PRKAR2A: variants seen among roughly 807,000 people sequenced by gnomAD.
PRKAR2A encodes the protein cAMP-dependent protein kinase type II-alpha regulatory subunit.
In PRKAR2A, 29 loss-of-function variants were observed where a neutral mutation model predicts 51.9. The ratio of observed to expected loss-of-function variants is 0.56; its 90% CI spans 0.42 to 0.76. The LOEUF is 0.76. PRKAR2A is among the 30% of genes least tolerant of loss of function. The probability of loss-of-function intolerance (pLI) is 0.00; values close to 1 mark genes in which losing one functional copy is unlikely to be tolerated. For missense variants in PRKAR2A, 445 were observed against 512.1 expected, an observed-to-expected ratio of 0.87 and a Z score of 1.26; for synonymous variants, 178 against 186.2, an observed-to-expected ratio of 0.96 and a Z score of 0.36.
intron 9 of PRKAR2A, among the ~76,000 whole-genome samples, chr3:48,754,331 G>A (rs1239440115): frequency 9.3e-5 from 14 of 150,884 alleles, no homozygotes; most frequent in African/African-American, 3.2e-4. Context: ...TCCGCCTCCC[G>A]GGTTCAAGCG....
intron 5 of PRKAR2A, among the ~76,000 whole-genome samples, chr3:48,781,231 C>A (rs889802181): frequency 3.3e-5 from 5 of 151,604 alleles, no homozygotes; most frequent in African/African-American, 4.8e-5. Flanking sequence ...AGTGATCCAC[C>A]CACCTCAGCC....
intron 9 of PRKAR2A, 36 bp downstream of exon 9, chr3:48,756,343 G>A: frequency 6.5e-7 from 1 of 1,546,708 alleles, no homozygotes; most frequent in Non-Finnish European, 8.9e-7. Context: ...GTTACTTTTT[G>A]TGTGTACACC....
chr3:48,775,306 C>T (rs1229872315), intron 5 of PRKAR2A, among the ~76,000 whole-genome samples: 6 of 151,412 alleles, frequency 4.0e-5, no homozygotes, highest in African/African-American at 7.3e-5. Context: ...GGGCGGGTAG[C>T]GGGTGCCTGT....
At position 48,765,359 on chromosome 3, in the gene PRKAR2A, A is replaced by G; in HGVS notation, c.697-10T>C. 2 of 1,575,256 alleles carry G rather than the reference A, an allele frequency of 1.3e-6. No homozygotes were observed. On this transcript the variant is annotated splice_polypyrimidine_tract_variant and intron_variant, in intron 6 of 10. Coordinates refer to ENST00000265563, the MANE Select transcript of PRKAR2A (RefSeq NM_004157.4). Reference sequence around the variant, plus strand: ...TAAAAGTCACCCGGTCCTACAAGAAAGAATATGAAAATTCTAGTAAATGCC... The same window carrying G: ...TAAAAGTCACCCGGTCCTACAAGAAGGAATATGAAAATTCTAGTAAATGCC...
At chr3:48,778,224 G>A (rs747789142) in intron 5 of PRKAR2A, among the ~76,000 whole-genome samples, 6 of 151,880 alleles carry the variant, frequency 4.0e-5, no homozygotes, top group Non-Finnish European at 7.4e-5. Context: ...CGGACTCCTG[G>A]TCTCAAGTAA....
rs2082137013 is a variant in PRKAR2A, at chr3:48,778,367, G to T, written c.542+4619C>A. Among the ~76,000 whole-genome samples the T allele has an allele frequency of 1.3e-5, 2 of 151,940 alleles. 1 individual carries two copies. Among genetic ancestry groups the T allele is most frequent in the Admixed American group, 1.3e-4 (2 of 15,222 alleles). On this transcript the variant is annotated intron_variant, in intron 5 of 10. Transcript: ENST00000265563. Reference sequence around the variant, plus strand: ...GACAGGGTCTCACTTTGTCCCCCAGGCTGGAGTGCAGTGTTATGATCACTG... The same window carrying T: ...GACAGGGTCTCACTTTGTCCCCCAGTCTGGAGTGCAGTGTTATGATCACTG...
At chr3:48,826,038 C>A (rs1362054218) in intron 1 of PRKAR2A, among the ~76,000 whole-genome samples, 1 of 152,146 alleles carries the variant, frequency 6.6e-6, no homozygotes, top group Admixed American at 6.6e-5. Flanking sequence ...TAAGGCAGCA[C>A]GATCACTGGA....
At position 48,748,112 on chromosome 3, in the gene PRKAR2A, A is replaced by G. The variant is rs1242507151; in HGVS notation, c.*3473T>C. ...ACTGATGATCCATATGTCAATCAGTAGTTGGAGGAGGATGACTTTTTTTTT... is the reference window on the plus strand; with the variant it reads ...ACTGATGATCCATATGTCAATCAGTGGTTGGAGGAGGATGACTTTTTTTTT... On this transcript the variant is annotated 3_prime_UTR_variant, in exon 11 of 11. Transcript: ENST00000265563. 1.3e-5 allele frequency: 2 copies of G among 150,722 alleles called. No homozygotes were observed. Among genetic ancestry groups the G allele is most frequent in the African/African-American group, 4.9e-5 (2 of 41,066 alleles). The allele number at this position is 150,722 out of a possible 1,614,324, so 9.3% of individuals were successfully genotyped here. A position where few individuals can be genotyped will look rare whatever the true frequency, so the allele number is the denominator to read the frequency against.
At chr3:48,776,794 T>C (rs1575862308) in intron 5 of PRKAR2A, among the ~76,000 whole-genome samples, 1 of 152,250 alleles carries the variant, frequency 6.6e-6, no homozygotes, top group East Asian at 1.9e-4. Flanking sequence ...TGAGCCAAGA[T>C]CGCACCATTG....
Position 48,790,620 on chromosome 3 carries a change from T to A in PRKAR2A, c.359A>T (p.His120Leu). The change falls in exon 4 of 11, where the codon CAT becomes CTT. Residue 120 changes from histidine to leucine, a missense_variant. His to Leu is a moderately conservative substitution (Grantham distance 99). Coordinates refer to ENST00000265563, the MANE Select transcript of PRKAR2A (RefSeq NM_004157.4). The part of the protein sequence containing the change: ...EEEDTDPRVI[H>L]PKTDEQRCRL... ...GCATCTCTGTTCATCAGTTTTAGGATGAATCACCTGCCAATCCAAATAAAA... is the reference window on the plus strand; with the variant it reads ...GCATCTCTGTTCATCAGTTTTAGGAAGAATCACCTGCCAATCCAAATAAAA... The A allele has an allele frequency of 2.0e-6, 3 of 1,463,454 alleles. No individual in the cohort carries two copies. Among genetic ancestry groups the A allele is most frequent in the Non-Finnish European group, 2.7e-6 (3 of 1,101,624 alleles). 90.7% of individuals were successfully genotyped at this position (1,463,454 alleles called of 1,614,324 possible). A position where few individuals can be genotyped will look rare whatever the true frequency, so the allele number is the denominator to read the frequency against.
intron 6 of PRKAR2A, among the ~76,000 whole-genome samples, chr3:48,768,897 G>A (rs1161241256): frequency 2.6e-5 from 4 of 151,912 alleles, no homozygotes; most frequent in African/African-American, 7.2e-5. Flanking sequence ...TCAGGAGTTC[G>A]AAACCAGCCT....
At chr3:48,794,146 TTTC>T (rs1404612765) in intron 2 of PRKAR2A, 97 bp from the exon 3 acceptor site, 2 of 966,394 alleles carry the variant, frequency 2.1e-6, no homozygotes, top group East Asian at 2.6e-5. Context: ...TATTCACTGT[TTTC>T]TTTTCTTTTT....
intron 1 of PRKAR2A, among the ~76,000 whole-genome samples, chr3:48,829,853 A>G (rs1308384176): frequency 8.5e-5 from 7 of 82,052 alleles, no homozygotes; most frequent in Admixed American, 2.9e-4. Context: ...GTGTGTATAT[A>G]TATATATATA....
chr3:48,805,551 G>A (rs933585968), intron 2 of PRKAR2A, among the ~76,000 whole-genome samples: 4 of 152,172 alleles, frequency 2.6e-5, no homozygotes, highest in African/African-American at 9.7e-5. Flanking sequence ...CCTATTGCAA[G>A]TTACTTAACC....
chr3:48,838,109 C>T (rs1425509047), intron 1 of PRKAR2A, among the ~76,000 whole-genome samples: 4 of 151,728 alleles, frequency 2.6e-5, no homozygotes, highest in African/African-American at 7.3e-5. Flanking sequence ...ACCCAGGAGG[C>T]GGAGCTTGCA....
chr3:48,795,283 T>A (rs1402376072), intron 2 of PRKAR2A, among the ~76,000 whole-genome samples: 1 of 151,824 alleles, frequency 6.6e-6, no homozygotes, highest in Non-Finnish European at 1.5e-5. Flanking sequence ...TGAGGAAACA[T>A]TTTTATATAA....
intron 1 of PRKAR2A, among the ~76,000 whole-genome samples, chr3:48,844,538 G>A (rs1289271834): frequency 2.6e-5 from 4 of 151,412 alleles, no homozygotes; most frequent in Middle Eastern, 3.2e-3. Context: ...ACATGCACAC[G>A]TATGTTTATT....
At chr3:48,767,504 T>G (rs1356399217) in intron 6 of PRKAR2A, among the ~76,000 whole-genome samples, 1 of 146,164 alleles carries the variant, frequency 6.8e-6, no homozygotes, top group Non-Finnish European at 1.5e-5. Context: ...AAAACAATAT[T>G]TTAGGCTGTG....
intron 6 of PRKAR2A, among the ~76,000 whole-genome samples, chr3:48,770,850 C>T (rs2082019377): frequency 6.6e-6 from 1 of 152,184 alleles, no homozygotes; most frequent in South Asian, 2.1e-4. Flanking sequence ...ATCCTCATAC[C>T]CCAGCCACAA....
Sources: gnomAD v4.1 joint callset for allele counts (sites outside exome capture counted in the v4.1 genomes callset) on GRCh38, gnomAD v4.1.1 for gene constraint, MANE v1.5 for transcripts, NCBI Gene and HGNC (gene_info 2026-07-23, HGNC 2026-07-21) for gene names.